Variants in TMEM236 observed in about 807,000 individuals in gnomAD.
The protein encoded by TMEM236 is transmembrane protein 236.
A neutral mutation model predicts 14.7 loss-of-function variants in TMEM236; 11 were observed. That is an observed-to-expected ratio of 0.75 (90% CI 0.47 to 1.24). The LOEUF (loss-of-function observed/expected upper bound fraction) is 1.24, where lower values mean the gene tolerates loss of function less well. Among genes scored for constraint, TMEM236 ranks in the 50% most tolerant of loss-of-function variants. The pLI, the probability that TMEM236 is intolerant of heterozygous loss-of-function variation, is 0.00. For synonymous variants in TMEM236, 182 were observed against 168.6 expected (o/e 1.08, Z -0.62); for missense variants, 464 against 427.3 (o/e 1.09, Z -0.76).
chr10:17,789,959 G>T (rs1352256816), intron 3 of TMEM236, among the ~76,000 whole-genome samples: 2 of 152,156 alleles, frequency 1.3e-5, no homozygotes, highest in African/African-American at 4.8e-5. Context: ...GGGAGGCGGA[G>T]CTTGCAGTGA....
At chr10:17,787,852 G>C (rs2131763497) in intron 3 of TMEM236, among the ~76,000 whole-genome samples, 1 of 152,202 alleles carries the variant, frequency 6.6e-6, no homozygotes, top group Non-Finnish European at 1.5e-5. Flanking sequence ...ATCAGTTTCT[G>C]TCATCCACTC....
At chr10:17,788,682 A>G (rs1401191104) in intron 3 of TMEM236, among the ~76,000 whole-genome samples, 1 of 152,178 alleles carries the variant, frequency 6.6e-6, no homozygotes, top group African/African-American at 2.4e-5. Context: ...AACATTTTAT[A>G]TTGTATAAGA....
intron 1 of TMEM236, among the ~76,000 whole-genome samples, chr10:17,758,067 C>T (rs1837308196): frequency 6.6e-6 from 1 of 152,104 alleles, no homozygotes. Flanking sequence ...CCAGGTGCAG[C>T]CAGAAAAATG....
chr10:17,759,842 G>A (rs1053014626), intron 1 of TMEM236, among the ~76,000 whole-genome samples: 19 of 152,112 alleles, frequency 1.2e-4, no homozygotes, highest in Admixed American at 8.5e-4. Flanking sequence ...TGAGCCGGGC[G>A]TGGTGGTGGA....
At chr10:17,768,727 A>ATGTGTGTG (rs570319904) in intron 1 of TMEM236, among the ~76,000 whole-genome samples, 4,023 of 144,244 alleles carry the variant, frequency 0.028, 70 homozygotes, top group Middle Eastern at 0.092. Context: ...TATACAACTC[A>ATGTGTGTG]TGTGTGTGTG....
chr10:17,761,778 C>T (rs1837367988), intron 1 of TMEM236, among the ~76,000 whole-genome samples: 2 of 151,784 alleles, frequency 1.3e-5, no homozygotes, highest in South Asian at 4.2e-4. Context: ...GCTTGTAAAT[C>T]AAATATTGAC....
At chr10:17,789,925 G>A (rs952047135) in intron 3 of TMEM236, among the ~76,000 whole-genome samples, 2 of 152,134 alleles carry the variant, frequency 1.3e-5, no homozygotes, top group Non-Finnish European at 2.9e-5. Context: ...TCGGGAGGCT[G>A]AGGCAGAAGA....
intron 3 of TMEM236, among the ~76,000 whole-genome samples, chr10:17,784,239 G>A (rs2131760167): frequency 6.6e-6 from 1 of 152,194 alleles, no homozygotes; most frequent in East Asian, 1.9e-4. Context: ...ATTCTCTATA[G>A]GATACAAGTT....
chr10:17,781,103 C>A (rs936409917), intron 3 of TMEM236, among the ~76,000 whole-genome samples: 2 of 152,160 alleles, frequency 1.3e-5, no homozygotes, highest in South Asian at 2.1e-4. Flanking sequence ...CATGCCTAGT[C>A]CCAGGTGGCC....
chr10:17,794,921 G>A (rs987977487), intron 3 of TMEM236, among the ~76,000 whole-genome samples: 2 of 152,112 alleles, frequency 1.3e-5, no homozygotes, highest in Non-Finnish European at 2.9e-5. Context: ...CCAGCTACTC[G>A]GGACGCTGAG....
intron 3 of TMEM236, among the ~76,000 whole-genome samples, chr10:17,783,454 G>A (rs1042970109): frequency 1.3e-5 from 2 of 152,276 alleles, no homozygotes; most frequent in East Asian, 1.9e-4. Flanking sequence ...AGCGAGAGGT[G>A]CCCGGTATGA....
Position 17,798,864 on chromosome 10 carries a change from G to A in TMEM236, c.*2360G>A, listed in dbSNP as rs1022083899. 7.4e-5 allele frequency: 26 copies of A among 352,492 alleles called. No individual in the cohort carries two copies. The highest frequency in any genetic ancestry group is 8.6e-4 in the Middle Eastern group (1 of 1,168). The allele number at this position is 352,492 out of a possible 1,614,324, so 21.8% of individuals were successfully genotyped here. ...CTTGATAAATGCTAAGCATTGGAAC[G>A]GGTACCAAGTCTCCAAGAAACAAGT... On this transcript the variant is annotated 3_prime_UTR_variant, in exon 4 of 4. Transcript: ENST00000377495.
At chr10:17,778,507 T>C (rs2131754921) in intron 3 of TMEM236, among the ~76,000 whole-genome samples, 1 of 152,270 alleles carries the variant, frequency 6.6e-6, no homozygotes, top group African/African-American at 2.4e-5. Flanking sequence ...CCTAAGCAAA[T>C]ATACCATAAA....
At chr10:17,763,512 C>G (rs1837409928) in intron 1 of TMEM236, among the ~76,000 whole-genome samples, 1 of 152,194 alleles carries the variant, frequency 6.6e-6, no homozygotes, top group Non-Finnish European at 1.5e-5. Context: ...TCCCTTTCTA[C>G]CCTGCCCCAT....
intron 3 of TMEM236, among the ~76,000 whole-genome samples, chr10:17,783,627 G>A (rs947223086): frequency 4.7e-4 from 71 of 152,266 alleles, no homozygotes; most frequent in Middle Eastern, 3.4e-3. Flanking sequence ...CAGAACTTCC[G>A]GCTCACAGTC....
chr10:17,759,900 G>A (rs984115589), intron 1 of TMEM236, among the ~76,000 whole-genome samples: 1 of 146,734 alleles, frequency 6.8e-6, no homozygotes, highest in Non-Finnish European at 1.5e-5. Context: ...GGAGAATGGC[G>A]TGAACCCGGG....
Position 17,787,906 on chromosome 10 carries a change from C to G in TMEM236, c.473-8015C>G, listed in dbSNP as rs911012408. ...CATGTCTGTATCCAAGCACTTAAAA[C>G]TCCTGAGTATTTGGAATAAAGGAGG... On this transcript the variant is annotated intron_variant, in intron 3 of 3. Transcript: ENST00000377495. Among the ~76,000 whole-genome samples, 21 of 152,264 alleles carry G rather than the reference C, an allele frequency of 1.4e-4. No homozygotes were observed. In the South Asian group the frequency reaches 4.4e-3, roughly 32 times the overall value.
Position 17,756,894 on chromosome 10 carries a change from G to A in TMEM236, c.257+4342G>A, listed in dbSNP as rs1046149457. On this transcript the variant is annotated intron_variant, in intron 1 of 3. Coordinates refer to ENST00000377495, the MANE Select transcript of TMEM236 (RefSeq NM_001098844.3). ...TCTCTGGTGTCTGTTCAGATTTCAT[G>A]TTGTGCATCTGGCTCAGGTACCTCC... Among the ~76,000 whole-genome samples the A allele has an allele frequency of 2.8e-3, 434 of 152,296 alleles. 1 individual carries two copies. Among genetic ancestry groups the A allele is most frequent in the Admixed American group, 8.5e-3 (130 of 15,304 alleles).
At chr10:17,773,645 G>A (rs1273725210) in intron 2 of TMEM236, among the ~76,000 whole-genome samples, 3 of 152,120 alleles carry the variant, frequency 2.0e-5, no homozygotes, top group Non-Finnish European at 2.9e-5. Context: ...GCATCATTGT[G>A]TCTTTTTATT....
Sources: allele counts gnomAD v4.1 joint callset (sites outside exome capture counted in the v4.1 genomes callset), GRCh38; gene constraint gnomAD v4.1.1; transcripts MANE v1.5; gene names NCBI Gene and HGNC (gene_info 2026-07-23, HGNC 2026-07-21).